Variants in DOCK9 observed in about 807,000 individuals in gnomAD.
DOCK9 encodes the protein dedicator of cytokinesis 9.
Under a neutral mutation model 263.3 loss-of-function variants are expected in DOCK9, and 89 were observed. The ratio of observed to expected loss-of-function variants is 0.34; its 90% CI spans 0.28 to 0.40. The LOEUF (loss-of-function observed/expected upper bound fraction) is 0.40, where lower values mean the gene tolerates loss of function less well. Among genes scored for constraint, DOCK9 ranks in the 10% least tolerant of loss-of-function variants. DOCK9 has a pLI of 1.00. For synonymous variants in DOCK9, 976 were observed against 973.1 expected, an observed-to-expected ratio of 1.00 and a Z score of -0.06; for missense variants, 2,140 against 2,603.4, an observed-to-expected ratio of 0.82 and a Z score of 3.87.
intron 1 of DOCK9, among the ~76,000 whole-genome samples, chr13:99,055,088 T>G (rs1040866037): frequency 2.6e-5 from 4 of 152,226 alleles, no homozygotes; most frequent in African/African-American, 9.6e-5. Context: ...AACATATGAA[T>G]GAATGGCCCA....
intron 1 of DOCK9, among the ~76,000 whole-genome samples, chr13:99,078,419 T>A (rs1324211448): frequency 6.6e-6 from 1 of 152,094 alleles, no homozygotes; most frequent in African/African-American, 2.4e-5. Flanking sequence ...TGCAGGAGAA[T>A]CCTGTTCCAC....
At chr13:98,810,480 C>G (rs1369539951) in intron 45 of DOCK9, among the ~76,000 whole-genome samples, 189 bp from the exon 46 acceptor site, 1 of 152,102 alleles carries the variant, frequency 6.6e-6, no homozygotes, top group Non-Finnish European at 1.5e-5. Flanking sequence ...TCACCACGTT[C>G]TTTTTTAGGG....
At chr13:98,996,521 T>TA (rs1813971426) in intron 1 of DOCK9, among the ~76,000 whole-genome samples, 1 of 152,222 alleles carries the variant, frequency 6.6e-6, no homozygotes, top group African/African-American at 2.4e-5. Flanking sequence ...TATATTCCAA[T>TA]AATCTATTTC....
chr13:99,076,701 G>T (rs941130380), intron 1 of DOCK9, among the ~76,000 whole-genome samples: 2 of 152,072 alleles, frequency 1.3e-5, no homozygotes, highest in Non-Finnish European at 2.9e-5. Flanking sequence ...AATACGAAAA[G>T]GATAAAATGA....
At chr13:99,015,735 G>A in intron 1 of DOCK9, 2 of 1,370,168 alleles carry the variant, frequency 1.5e-6, no homozygotes, top group Non-Finnish European at 1.9e-6. Flanking sequence ...TACTGGAACA[G>A]AAGGGAAGCT....
intron 37 of DOCK9, chr13:98,846,850 TCA>T: frequency 2.9e-6 from 1 of 348,610 alleles, no homozygotes; most frequent in Non-Finnish European, 5.6e-6. Flanking sequence ...TGTACAAGGT[TCA>T]CAGTCTAGTT....
Position 98,829,578 on chromosome 13 carries a change from C to G in DOCK9, c.4750-56G>C. On this transcript the variant is annotated intron_variant, in intron 42 of 52. Coordinates refer to ENST00000682017, the MANE Select transcript of DOCK9 (RefSeq NM_001366683.2). The surrounding 1 kb of genome is among the most constrained non-coding windows in gnomAD (Gnocchi z 4.1). Reference sequence around the variant, plus strand: ...ATGGCTTCCTCTGTTTGCTGCCTGTCCACAAGCACCTCAGGTGCTGATGCA... The same window carrying G: ...ATGGCTTCCTCTGTTTGCTGCCTGTGCACAAGCACCTCAGGTGCTGATGCA... 6.3e-7 allele frequency: 1 copy of G among 1,585,726 alleles called. No individual in the cohort carries two copies.
At chr13:99,038,336 C>T (rs1476915755) in intron 1 of DOCK9, among the ~76,000 whole-genome samples, 2 of 109,318 alleles carry the variant, frequency 1.8e-5, no homozygotes, top group African/African-American at 7.2e-5. Flanking sequence ...TAGAGTCTCA[C>T]TCCTGTTGCC....
At chr13:98,938,601 G>A (rs1205895276) in intron 2 of DOCK9, among the ~76,000 whole-genome samples, 8 of 152,150 alleles carry the variant, frequency 5.3e-5, no homozygotes, top group Non-Finnish European at 1.2e-4. Context: ...GGAAAGAATC[G>A]TTGGGTAAAA....
chr13:98,932,577 G>A (rs2054146159), intron 2 of DOCK9, among the ~76,000 whole-genome samples: 1 of 152,182 alleles, frequency 6.6e-6, no homozygotes, highest in Non-Finnish European at 1.5e-5. Flanking sequence ...TTGGTTAGAG[G>A]TGGCTTTGGG....
chr13:98,883,777 G>A (rs9517474), intron 22 of DOCK9, 36 bp downstream of exon 22: 1,099,916 of 1,437,178 alleles, frequency 0.77, 424,555 homozygotes, highest in South Asian at 0.88. Flanking sequence ...TTTGTCACAG[G>A]GCAGCAACTG....
intron 39 of DOCK9, 23 bp from the exon 40 acceptor site, chr13:98,831,809 T>G (rs2140965416): frequency 6.2e-7 from 1 of 1,611,266 alleles, no homozygotes; most frequent in Non-Finnish European, 8.5e-7. Flanking sequence ...ATTGACGGCT[T>G]TGTTAGACAT....
chr13:98,995,041 G>T (rs141693570), intron 1 of DOCK9, among the ~76,000 whole-genome samples: 4 of 152,130 alleles, frequency 2.6e-5, no homozygotes, highest in Non-Finnish European at 4.4e-5. Context: ...AGAAATGTAC[G>T]CATGGGAAAA....
rs2052116777 is a variant in DOCK9 at position 98,922,105 on chromosome 13, C to T, written c.528G>A (p.Lys176=). The T allele has an allele frequency of 7.5e-6, 12 of 1,602,026 alleles. No individual in the cohort carries two copies. The highest frequency in any genetic ancestry group is 1.0e-5 in the Non-Finnish European group (12 of 1,174,692). Residue 176 remains lysine, a synonymous_variant, in exon 6 of 53, where the codon AAG becomes AAA. Transcript: ENST00000682017. ...SLGSQKGGIT[K]HGWLYKGNMN... is the part of the protein sequence containing the mutation. The stretch of plus-strand genomic sequence containing the variant: ...TGTTGCCTTTGTACAGCCAGCCATG[C>T]TTGGTGATCCCACCCTTCTGGGAAC...
chr13:99,054,129 T>C (rs1196950920), intron 1 of DOCK9, among the ~76,000 whole-genome samples: 1 of 152,236 alleles, frequency 6.6e-6, no homozygotes, highest in East Asian at 1.9e-4. Flanking sequence ...GAGACTCTTC[T>C]GGTGGCTCAC....
At chr13:98,832,559 A>G (rs553765312) in intron 39 of DOCK9, among the ~76,000 whole-genome samples, 7 of 152,240 alleles carry the variant, frequency 4.6e-5, no homozygotes, top group Non-Finnish European at 1.0e-4. Flanking sequence ...TCCTCATGTC[A>G]GTAGAAAATT....
chr13:98,994,681 C>T (rs144921694), intron 1 of DOCK9, among the ~76,000 whole-genome samples: 341 of 151,790 alleles, frequency 2.2e-3, no homozygotes, highest in African/African-American at 7.6e-3. Flanking sequence ...TAATTATATC[C>T]TTGATCAAGA....
At chr13:98,921,131 A>G in intron 6 of DOCK9, 43 bp from the exon 7 acceptor site, 4 of 1,560,858 alleles carry the variant, frequency 2.6e-6, no homozygotes, top group Non-Finnish European at 3.5e-6. Context: ...CAAAATGAAG[A>G]GGGTCACAAT....
rs374286947 is a variant in DOCK9, at chr13:98,915,432, G to C, written c.789C>G (p.Asp263Glu). 1.9e-6 allele frequency: 3 copies of C among 1,613,812 alleles called. No individual in the cohort carries two copies. Among genetic ancestry groups the C allele is most frequent in the African/African-American group, 2.7e-5 (2 of 74,892 alleles). The change falls in exon 8 of 53, where the codon GAC (aspartate) becomes GAG (glutamate). Residue 263 changes from aspartate to glutamate, a missense_variant. Coordinates refer to ENST00000682017, the MANE Select transcript of DOCK9 (RefSeq NM_001366683.2). Reference protein sequence around the residue: ...QDKSSYLLAADSEVEMEEWIT... With the variant: ...QDKSSYLLAAESEVEMEEWIT... ...TCCATTCTTCCATTTCCACTTCACT[G>C]TCTGCTGCCAAGAGATAACTACTTT...
Sources: gnomAD v4.1 joint callset for allele counts (sites outside exome capture counted in the v4.1 genomes callset) on GRCh38, gnomAD v4.1.1 for gene constraint, Gnocchi (gnomAD v3.1) non-coding constraint, MANE v1.5 for transcripts, NCBI Gene and HGNC (gene_info 2026-07-23, HGNC 2026-07-21) for gene names.